The following MYO9A variants were observed in gnomAD, a reference collection of about 807,000 sequenced individuals.
MYO9A encodes unconventional myosin-IXa.
Under a neutral mutation model 293.3 loss-of-function variants are expected in MYO9A, and 103 were observed. The ratio of observed to expected loss-of-function variants is 0.35; its 90% CI spans 0.30 to 0.41. The LOEUF is 0.41. MYO9A is among the 10% of genes least tolerant of loss of function. MYO9A has a pLI of 1.00. For missense variants in MYO9A, 2,685 were observed against 3,033.0 expected (o/e 0.89, Z 2.69); for synonymous variants, 1,001 against 1,035.7 (o/e 0.97, Z 0.64).
At chr15:72,072,807 T>C (rs754020304) in intron 1 of MYO9A, among the ~76,000 whole-genome samples, 5 of 152,184 alleles carry the variant, frequency 3.3e-5, no homozygotes, top group East Asian at 3.8e-4. Context: ...TGTTCACTAT[T>C]TGGGTGATGG....
At chr15:71,916,834 C>CTT (rs1443557462) in intron 18 of MYO9A, among the ~76,000 whole-genome samples, 1 of 152,186 alleles carries the variant, frequency 6.6e-6, no homozygotes, top group Non-Finnish European at 1.5e-5. Context: ...AATGCATATA[C>CTT]TTTATGTACC....
intron 35 of MYO9A, among the ~76,000 whole-genome samples, chr15:71,853,951 G>C (rs1455069700): frequency 6.6e-6 from 1 of 152,194 alleles, no homozygotes; most frequent in Non-Finnish European, 1.5e-5. Flanking sequence ...AAGATCTTCT[G>C]TAAGCCTCAG....
At chr15:71,975,746 TG>T (rs1272479551) in intron 12 of MYO9A, among the ~76,000 whole-genome samples, 2 of 152,174 alleles carry the variant, frequency 1.3e-5, no homozygotes, top group African/African-American at 4.8e-5. Flanking sequence ...CAGGCCTTAC[TG>T]GGTTTCTCAC....
chr15:72,024,033 T>A (rs954092482), intron 4 of MYO9A, among the ~76,000 whole-genome samples: 1 of 151,752 alleles, frequency 6.6e-6, no homozygotes, highest in African/African-American at 2.4e-5. Flanking sequence ...ATTCAAAACG[T>A]TGAAAGGAAA....
Position 71,863,338 on chromosome 15 carries a change from A to G in MYO9A, c.5980-727T>C, listed in dbSNP as rs1437932948. Among the ~76,000 whole-genome samples, 5 of 152,114 alleles carry G rather than the reference A, an allele frequency of 3.3e-5. 1 individual carries two copies. Among genetic ancestry groups the G allele is most frequent in the African/African-American group, 4.8e-5 (2 of 41,424 alleles). On this transcript the variant is annotated intron_variant, in intron 32 of 41. Transcript: ENST00000356056. Reference sequence around the variant, plus strand: ...TGAGTTATACCTGTTAATATTTACTATGCTAGCAATTAAAGCTGAAAAAAA... The same window carrying G: ...TGAGTTATACCTGTTAATATTTACTGTGCTAGCAATTAAAGCTGAAAAAAA...
chr15:72,020,890 C>G (rs1219224459), intron 5 of MYO9A, 28 bp downstream of exon 5: 1 of 1,393,460 alleles, frequency 7.2e-7, no homozygotes, highest in Admixed American at 2.8e-5. Flanking sequence ...CTGCCCTATA[C>G]TTCAAAATGC....
intron 15 of MYO9A, among the ~76,000 whole-genome samples, chr15:71,946,540 A>G (rs2058922739): frequency 1.3e-5 from 2 of 152,200 alleles, no homozygotes; most frequent in Non-Finnish European, 2.9e-5. Flanking sequence ...CTTTCATTCT[A>G]GGTAATAGCT....
chr15:72,110,907 C>A (rs1173834580), intron 1 of MYO9A, among the ~76,000 whole-genome samples: 2 of 152,172 alleles, frequency 1.3e-5, no homozygotes, highest in Non-Finnish European at 2.9e-5. Flanking sequence ...CGCCTGTAAT[C>A]CCAGCACTTT....
intron 13 of MYO9A, among the ~76,000 whole-genome samples, chr15:71,964,942 A>C (rs1247681324): frequency 6.6e-6 from 1 of 151,908 alleles, no homozygotes; most frequent in Non-Finnish European, 1.5e-5. Flanking sequence ...GTGATAAAAC[A>C]AGACTCTTGT....
rs2079994514 is a variant in MYO9A, at chr15:72,093,842, G to A, written c.-72+23838C>T. On this transcript the variant is annotated intron_variant, in intron 1 of 41. Transcript: ENST00000356056. The stretch of plus-strand genomic sequence containing the variant: ...GCGGAGGTTGCAGTGAGCCGAGACT[G>A]TGCCACTGCACTCCAGCCTGGGCAA... Among the ~76,000 whole-genome samples, 6 of 86,936 alleles carry A rather than the reference G, an allele frequency of 6.9e-5. 2 individuals carry two copies. The highest frequency in any genetic ancestry group is 0.01 in the Middle Eastern group (1 of 100). 57.0% of individuals were successfully genotyped at this position (86,936 alleles called of 152,430 possible). A position where few individuals can be genotyped will look rare whatever the true frequency, so the allele number is the denominator to read the frequency against.
chr15:72,091,986 G>A (rs1474973946), intron 1 of MYO9A, among the ~76,000 whole-genome samples: 1 of 152,116 alleles, frequency 6.6e-6, no homozygotes, highest in African/African-American at 2.4e-5. Flanking sequence ...AAAGTGCTGG[G>A]ATTACAGGTG....
In MYO9A at chr15:71,897,671, G is replaced by A. The variant is rs749675110; in HGVS notation, c.4832C>T (p.Pro1611Leu). ...VTVFFERKGSPCQSSTVKELS... is the reference protein window; with the variant it reads ...VTVFFERKGSLCQSSTVKELS... ...TTCCTTGACAGTACTAGATTGGCAT[G>A]GACTTCCTTTTCTTTCAAAGAACAC... Residue 1611 changes from proline to leucine, a missense_variant, in exon 25 of 42, where the codon CCA (proline) becomes CTA (leucine). Pro to Leu is a moderately conservative substitution (Grantham distance 98). This residue lies in a region of MYO9A where 1,434 missense variants were observed against 1,497.7 expected (regional missense o/e 0.96). Coordinates refer to ENST00000356056, the MANE Select transcript of MYO9A (RefSeq NM_006901.4). 35 of 1,614,010 alleles carry A rather than the reference G, an allele frequency of 2.2e-5. No individual in the cohort carries two copies. The Admixed American group carries it at 5.8e-4, about 27-fold the overall frequency.
chr15:72,083,554 G>A (rs1316478345), intron 1 of MYO9A, among the ~76,000 whole-genome samples: 6 of 152,220 alleles, frequency 3.9e-5, no homozygotes, highest in Non-Finnish European at 8.8e-5. Flanking sequence ...AAGTTTGGGG[G>A]TTGGTTTGCT....
chr15:71,878,740 A>ATTTTTTTTTTT (rs200866619), intron 30 of MYO9A, among the ~76,000 whole-genome samples: 4 of 108,624 alleles, frequency 3.7e-5, no homozygotes, highest in Admixed American at 1.1e-4. Flanking sequence ...GAGATCTGGA[A>ATTTTTTTTTTT]TTTTTTTTTT....
At chr15:72,018,499 A>C (rs754542710) in intron 6 of MYO9A, among the ~76,000 whole-genome samples, 2 of 152,142 alleles carry the variant, frequency 1.3e-5, no homozygotes, top group Non-Finnish European at 2.9e-5. Context: ...ATTTATAGGA[A>C]TTTCAATACT....
chr15:71,872,944 G>T (rs767298309), intron 32 of MYO9A, among the ~76,000 whole-genome samples: 1 of 149,500 alleles, frequency 6.7e-6, no homozygotes, highest in South Asian at 2.1e-4. Flanking sequence ...ACAGAGTCTC[G>T]CTCTGTCGCC....
intron 19 of MYO9A, among the ~76,000 whole-genome samples, chr15:71,907,857 T>C (rs1266324931): frequency 5.3e-5 from 8 of 152,234 alleles, no homozygotes. Context: ...CTTTGTCAGA[T>C]GAGTAGATTG....
At chr15:71,995,623 G>A (rs902922863) in intron 9 of MYO9A, among the ~76,000 whole-genome samples, 1 of 151,080 alleles carries the variant, frequency 6.6e-6, no homozygotes, top group South Asian at 2.1e-4. Flanking sequence ...TTAGCACTTA[G>A]AAGAATATAA....
rs752485081 is a variant in MYO9A at position 71,852,205 on chromosome 15, G to C, written c.6402C>G (p.Phe2134Leu). 1 of 1,613,310 alleles carries C rather than the reference G, an allele frequency of 6.2e-7. No individual in the cohort carries two copies. Among genetic ancestry groups the C allele is most frequent in the South Asian group, 1.1e-5 (1 of 91,022 alleles). ...TGGGCAAATCTCGAAGCCATTGTTT[G>C]AATACACTTGCAATGACGTGTATGT... ...DYNIHVIASV[F>L]KQWLRDLPNP... The change falls in exon 36 of 42, where the codon TTC becomes TTG. Residue 2134 changes from phenylalanine (F) to leucine (L), a missense_variant. This residue lies in a region of MYO9A where 238 missense variants were observed against 269.1 expected (regional missense o/e 0.88). Transcript: ENST00000356056.
Sources: gnomAD v4.1 joint callset for allele counts (sites outside exome capture counted in the v4.1 genomes callset) on GRCh38, gnomAD v4.1.1 for gene constraint, gnomAD v4.1.1 regional missense constraint, MANE v1.5 for transcripts, NCBI Gene and HGNC (gene_info 2026-07-23, HGNC 2026-07-21) for gene names.